The following BRD3OS variants were observed in gnomAD, a reference collection of about 807,000 sequenced individuals.
BRD3OS encodes the protein BRD3 opposite strand, also known as uncharacterized protein BRD3OS.
chr9:134,031,368 G>C lies in BRD3OS; in HGVS notation c.*4366G>C, dbSNP rs557349236. ...CAGGCACCCCCGGCTTAGGGTGTAC[G>C]TATCACCCAGCCCTGTGCTGGCAGC... On this transcript the variant is annotated 3_prime_UTR_variant, in exon 3 of 3. Coordinates refer to ENST00000603928, the MANE Select transcript of BRD3OS (RefSeq NM_001355256.2). The C allele has an allele frequency of 1.4e-5, 3 of 207,970 alleles. No individual in the cohort carries two copies. The highest frequency in any genetic ancestry group is 4.6e-5 in the African/African-American group (2 of 43,942). The allele number at this position is 207,970 out of a possible 1,614,324, so 12.9% of individuals were successfully genotyped here. A position where few individuals can be genotyped will look rare whatever the true frequency, so the allele number is the denominator to read the frequency against.
rs1268142528 is a variant in BRD3OS, at chr9:134,026,938, G to A, written c.191G>A (p.Arg64Gln). Residue 64 changes from arginine to glutamine, a missense_variant, in exon 3 of 3, where the codon CGA becomes CAA. Transcript: ENST00000603928. The surrounding 1 kb of genome is among the most constrained non-coding windows in gnomAD (Gnocchi z 4.4). ...SQYGNEAILV[R>Q]DKNKLEVSRD... ...TATGGAAATGAGGCCATCTTGGTCC[G>A]AGACAAAAACAAGCTCGAGGTCTCT... 2.5e-6 allele frequency: 1 copy of A among 398,806 alleles called. No homozygotes were observed. Among genetic ancestry groups the A allele is most frequent in the African/African-American group, 2.1e-5 (1 of 48,622 alleles). 24.7% of individuals were successfully genotyped at this position (398,806 alleles called of 1,614,324 possible).
chr9:134,026,546 A>T lies in BRD3OS; in HGVS notation c.-202A>T. 1 of 374,460 alleles carries T rather than the reference A, an allele frequency of 2.7e-6. No homozygotes were observed. The highest frequency in any genetic ancestry group is 3.8e-5 in the East Asian group (1 of 26,118). The allele number at this position is 374,460 out of a possible 1,614,324, so 23.2% of individuals were successfully genotyped here. ...CTGAATGGGTCTCAGGTGTCTTCAG[A>T]ATGGTGAGGCCGCCTCATTTCCTCA... is the stretch of plus-strand genomic sequence containing the variant. On this transcript the variant is annotated 5_prime_UTR_variant, in exon 3 of 3. Transcript: ENST00000603928. The surrounding 1 kb of genome is among the most constrained non-coding windows in gnomAD (Gnocchi z 4.4).
rs568458997 is a variant in BRD3OS, at chr9:134,031,542, T to C, written c.*4540T>C. 488 of 202,340 alleles carry C rather than the reference T, an allele frequency of 2.4e-3. 1 individual carries two copies. The highest frequency in any genetic ancestry group is 3.6e-3 in the Non-Finnish European group (357 of 98,492). The allele number at this position is 202,340 out of a possible 1,614,324, so 12.5% of individuals were successfully genotyped here. A position where few individuals can be genotyped will look rare whatever the true frequency, so the allele number is the denominator to read the frequency against. The stretch of plus-strand genomic sequence containing the variant: ...AAATGGAAACTTTCAAATCCATTTA[T>C]ATTTTTATTATAAACAAAACTTAAT... On this transcript the variant is annotated 3_prime_UTR_variant, in exon 3 of 3. Transcript: ENST00000603928.
chr9:134,031,091 T>A lies in BRD3OS; in HGVS notation c.*4089T>A, dbSNP rs935160242. ...GTGTTGAAGTCTGGACAGAAAGCCT[T>A]AAAAAAGTGACAGCACCAATGCAGC... On this transcript the variant is annotated 3_prime_UTR_variant, in exon 3 of 3. Transcript: ENST00000603928. 4.4e-6 allele frequency: 1 copy of A among 229,140 alleles called. No homozygotes were observed. Among genetic ancestry groups the A allele is most frequent in the Non-Finnish European group, 8.7e-6 (1 of 115,606 alleles). The allele number at this position is 229,140 out of a possible 1,614,324, so 14.2% of individuals were successfully genotyped here.
rs1429960494 is a variant in BRD3OS, at chr9:134,030,808, G to A, written c.*3806G>A. 4.3e-6 allele frequency: 1 copy of A among 231,782 alleles called. No individual in the cohort carries two copies. The highest frequency in any genetic ancestry group is 8.5e-6 in the Non-Finnish European group (1 of 117,236). 14.4% of individuals were successfully genotyped at this position (231,782 alleles called of 1,614,324 possible). On this transcript the variant is annotated 3_prime_UTR_variant, in exon 3 of 3. Transcript: ENST00000603928. ...AAGAGGGGTCTGGAGTTCAGTTCAC[G>A]CCCGAAGCCTGCCCCCTCGGCCTCC...
rs1588263066 is a variant in BRD3OS, at chr9:134,026,631, T to G, written c.-117T>G. 7.6e-6 allele frequency: 3 copies of G among 397,014 alleles called. No individual in the cohort carries two copies. Among genetic ancestry groups the G allele is most frequent in the Admixed American group, 8.8e-5 (2 of 22,706 alleles). 24.6% of individuals were successfully genotyped at this position (397,014 alleles called of 1,614,324 possible). On this transcript the variant is annotated 5_prime_UTR_variant, in exon 3 of 3. It adds an upstream start codon to the 5' untranslated region. Coordinates refer to ENST00000603928, the MANE Select transcript of BRD3OS (RefSeq NM_001355256.2). The surrounding 1 kb of genome is among the most constrained non-coding windows in gnomAD (Gnocchi z 4.4). ...GGGCGGAATTCCTAATTTCTACCATTCAGTTAAACGAGGGATCCTTAAGCC... is the reference window on the plus strand; with the variant it reads ...GGGCGGAATTCCTAATTTCTACCATGCAGTTAAACGAGGGATCCTTAAGCC...
At position 134,026,966 on chromosome 9, in the gene BRD3OS, G is replaced by A. The variant is rs1386187529; in HGVS notation, c.219G>A (p.Arg73=). Residue 73 remains arginine, a synonymous_variant, in exon 3 of 3, where the codon AGG becomes AGA. Transcript: ENST00000603928. This position sits in a 1 kb window ranked among gnomAD's most constrained non-coding sequence, Gnocchi z 4.4. ...VRDKNKLEVS[R]DTGQSKFCTI... ...ACAAAAACAAGCTCGAGGTCTCTAG[G>A]GACACAGGGCAGTCCAAGTTTTGCA... 2.5e-6 allele frequency: 1 copy of A among 398,756 alleles called. No homozygotes were observed. The highest frequency in any genetic ancestry group is 4.4e-6 in the Non-Finnish European group (1 of 226,094). 24.7% of individuals were successfully genotyped at this position (398,756 alleles called of 1,614,324 possible).
rs1024622646 is a variant in BRD3OS, at chr9:134,031,050, C to T, written c.*4048C>T. On this transcript the variant is annotated 3_prime_UTR_variant, in exon 3 of 3. Coordinates refer to ENST00000603928, the MANE Select transcript of BRD3OS (RefSeq NM_001355256.2). Reference sequence around the variant, plus strand: ...TGAGGAAGTCATTAATCCTTCGAAACTCTGAAAAGAAACCAGTGTTGAAGT... The same window carrying T: ...TGAGGAAGTCATTAATCCTTCGAAATTCTGAAAAGAAACCAGTGTTGAAGT... 8.7e-6 allele frequency: 2 copies of T among 230,744 alleles called. No individual in the cohort carries two copies. Among genetic ancestry groups the T allele is most frequent in the Non-Finnish European group, 1.7e-5 (2 of 116,558 alleles). 14.3% of individuals were successfully genotyped at this position (230,744 alleles called of 1,614,324 possible).
chr9:134,030,797 G>A lies in BRD3OS; in HGVS notation c.*3795G>A, dbSNP rs1327161974. ...TGCCCAACACAAAGAGGGGTCTGGA[G>A]TTCAGTTCACGCCCGAAGCCTGCCC... On this transcript the variant is annotated 3_prime_UTR_variant, in exon 3 of 3. Coordinates refer to ENST00000603928, the MANE Select transcript of BRD3OS (RefSeq NM_001355256.2). The A allele has an allele frequency of 8.6e-6, 2 of 232,464 alleles. No individual in the cohort carries two copies. Among genetic ancestry groups the A allele is most frequent in the African/African-American group, 4.4e-5 (2 of 45,302 alleles). 14.4% of individuals were successfully genotyped at this position (232,464 alleles called of 1,614,324 possible).
At chr9:134,025,595 A>T (rs2132356646) in intron 1 of BRD3OS, 59 bp downstream of exon 1, 1 of 151,386 alleles carries the variant, frequency 6.6e-6, no homozygotes, top group South Asian at 2.1e-4. Flanking sequence ...AGGGGGCTGG[A>T]GGATGGGGCG....
Position 134,026,536 on chromosome 9 carries a change from G to C in BRD3OS, c.-212G>C, listed in dbSNP as rs556354774. On this transcript the variant is annotated 5_prime_UTR_variant, in exon 3 of 3. Coordinates refer to ENST00000603928, the MANE Select transcript of BRD3OS (RefSeq NM_001355256.2). The surrounding 1 kb of genome is among the most constrained non-coding windows in gnomAD (Gnocchi z 4.4). ...GTGCGGTCCCCTGAATGGGTCTCAG[G>C]TGTCTTCAGAATGGTGAGGCCGCCT... 2.7e-5 allele frequency: 10 copies of C among 365,444 alleles called. No homozygotes were observed. Among genetic ancestry groups the C allele is most frequent in the African/African-American group, 1.7e-4 (8 of 48,134 alleles). The allele number at this position is 365,444 out of a possible 1,614,324, so 22.6% of individuals were successfully genotyped here.
chr9:134,030,193 G>T lies in BRD3OS; in HGVS notation c.*3191G>T, dbSNP rs983963470. 1 of 155,590 alleles carries T rather than the reference G, an allele frequency of 6.4e-6. No homozygotes were observed. Among genetic ancestry groups the T allele is most frequent in the East Asian group, 1.7e-4 (1 of 6,010 alleles). The allele number at this position is 155,590 out of a possible 1,614,324, so 9.6% of individuals were successfully genotyped here. Reference sequence around the variant, plus strand: ...GTGGGGAGCTCAGCACCCTTGCTGTGGACCAGTGAAGGCTGTTCCAGACCA... The same window carrying T: ...GTGGGGAGCTCAGCACCCTTGCTGTTGACCAGTGAAGGCTGTTCCAGACCA... On this transcript the variant is annotated 3_prime_UTR_variant, in exon 3 of 3. Transcript: ENST00000603928.
In BRD3OS at chr9:134,027,005, C is replaced by G; in HGVS notation, c.*3C>G. On this transcript the variant is annotated 3_prime_UTR_variant, in exon 3 of 3. Transcript: ENST00000603928. ...CCAAGTTTTGCACAATTATGTAATTCCGATGTGAGCACCTGAACCCAGGAC... is the reference window on the plus strand; with the variant it reads ...CCAAGTTTTGCACAATTATGTAATTGCGATGTGAGCACCTGAACCCAGGAC... 1 of 398,848 alleles carries G rather than the reference C, an allele frequency of 2.5e-6. No homozygotes were observed. The highest frequency in any genetic ancestry group is 1.3e-4 in the South Asian group (1 of 7,840). The allele number at this position is 398,848 out of a possible 1,614,324, so 24.7% of individuals were successfully genotyped here. A position where few individuals can be genotyped will look rare whatever the true frequency, so the allele number is the denominator to read the frequency against.
rs71505267 is a variant in BRD3OS at position 134,027,062 on chromosome 9, T to C, written c.*60T>C. 1,644 of 398,566 alleles carry C rather than the reference T, an allele frequency of 4.1e-3. 5 individuals carry two copies. Among genetic ancestry groups the C allele is most frequent in the Middle Eastern group, 7.6e-3 (12 of 1,588 alleles). 24.7% of individuals were successfully genotyped at this position (398,566 alleles called of 1,614,324 possible). ...TTGAGGAAAACAGACCTGAGTTTCA[T>C]TCAGTTGTCTTGTTGATTTCCAATC... On this transcript the variant is annotated 3_prime_UTR_variant, in exon 3 of 3. Coordinates refer to ENST00000603928, the MANE Select transcript of BRD3OS (RefSeq NM_001355256.2).
chr9:134,030,963 G>C lies in BRD3OS; in HGVS notation c.*3961G>C. ...AGTGGGACAATCTAATTGAATCACC[G>C]CAGCCTTCTAATACAGAAGAAACGG... On this transcript the variant is annotated 3_prime_UTR_variant, in exon 3 of 3. Coordinates refer to ENST00000603928, the MANE Select transcript of BRD3OS (RefSeq NM_001355256.2). 1 of 230,556 alleles carries C rather than the reference G, an allele frequency of 4.3e-6. No individual in the cohort carries two copies. The highest frequency in any genetic ancestry group is 1.8e-4 in the South Asian group (1 of 5,496). 14.3% of individuals were successfully genotyped at this position (230,556 alleles called of 1,614,324 possible). A position where few individuals can be genotyped will look rare whatever the true frequency, so the allele number is the denominator to read the frequency against.
chr9:134,030,712 A>G lies in BRD3OS; in HGVS notation c.*3710A>G, dbSNP rs1399502420. 1.7e-5 allele frequency: 4 copies of G among 231,556 alleles called. No homozygotes were observed. The highest frequency in any genetic ancestry group is 3.4e-5 in the Non-Finnish European group (4 of 117,026). The allele number at this position is 231,556 out of a possible 1,614,324, so 14.3% of individuals were successfully genotyped here. The stretch of plus-strand genomic sequence containing the variant: ...TCAGAGGCGTGAGTGCTGCAAAAGA[A>G]CAACAACAAAAACAAACACACAAAA... On this transcript the variant is annotated 3_prime_UTR_variant, in exon 3 of 3. Transcript: ENST00000603928.
In BRD3OS at chr9:134,030,371, A is replaced by G. The variant is rs781707774; in HGVS notation, c.*3369A>G. The G allele has an allele frequency of 1.9e-5, 3 of 156,236 alleles. No homozygotes were observed. The highest frequency in any genetic ancestry group is 3.9e-5 in the Non-Finnish European group (3 of 76,408). 9.7% of individuals were successfully genotyped at this position (156,236 alleles called of 1,614,324 possible). ...AACAAATGCCCCAGGAGAAGGGTCC[A>G]TGATTACCAGAAACATCAAAGAGTA... On this transcript the variant is annotated 3_prime_UTR_variant, in exon 3 of 3. Transcript: ENST00000603928.
rs1239663106 is a variant in BRD3OS, at chr9:134,029,825, G to A, written c.*2823G>A. On this transcript the variant is annotated 3_prime_UTR_variant, in exon 3 of 3. Coordinates refer to ENST00000603928, the MANE Select transcript of BRD3OS (RefSeq NM_001355256.2). Reference sequence around the variant, plus strand: ...ACAGAACCTGGCTGTCTCGAAGAGGGCAGCTTGTTCCAGGGAACCAATGAA... The same window carrying A: ...ACAGAACCTGGCTGTCTCGAAGAGGACAGCTTGTTCCAGGGAACCAATGAA... 2 of 152,276 alleles carry A rather than the reference G, an allele frequency of 1.3e-5. No individual in the cohort carries two copies. Among genetic ancestry groups the A allele is most frequent in the Admixed American group, 6.5e-5 (1 of 15,290 alleles). The allele number at this position is 152,276 out of a possible 1,614,324, so 9.4% of individuals were successfully genotyped here.
chr9:134,030,990 C>A lies in BRD3OS; in HGVS notation c.*3988C>A, dbSNP rs1050739531. ...AGCCTTCTAATACAGAAGAAACGGA[C>A]GTGACTGTCACCCTCAGCCCGCCAG... On this transcript the variant is annotated 3_prime_UTR_variant, in exon 3 of 3. Transcript: ENST00000603928. The A allele has an allele frequency of 4.3e-5, 10 of 230,826 alleles. No individual in the cohort carries two copies. The highest frequency in any genetic ancestry group is 2.3e-4 in the Admixed American group (4 of 17,686). The allele number at this position is 230,826 out of a possible 1,614,324, so 14.3% of individuals were successfully genotyped here. A position where few individuals can be genotyped will look rare whatever the true frequency, so the allele number is the denominator to read the frequency against.
Sources: allele counts gnomAD v4.1 joint callset, GRCh38; gene constraint gnomAD v4.1.1; non-coding constraint Gnocchi (gnomAD v3.1); transcripts MANE v1.5; gene names NCBI Gene and HGNC (gene_info 2026-07-23, HGNC 2026-07-21).